Variants in CCSER1 observed in about 807,000 individuals in gnomAD.
CCSER1 encodes the protein serine-rich coiled-coil domain-containing protein 1.
A neutral mutation model predicts 82.0 loss-of-function variants in CCSER1; 41 were observed. The ratio of observed to expected loss-of-function variants is 0.50; its 90% CI spans 0.39 to 0.65. The LOEUF is 0.65. CCSER1 is among the 30% of genes least tolerant of loss of function. CCSER1 has a pLI of 0.00. For missense variants in CCSER1, 1,119 were observed against 1,064.2 expected (o/e 1.05, Z -0.72); for synonymous variants, 414 against 383.9 (o/e 1.08, Z -0.92).
At chr4:90,849,422 T>C (rs1337677486) in intron 8 of CCSER1, among the ~76,000 whole-genome samples, 1 of 152,094 alleles carries the variant, frequency 6.6e-6, no homozygotes, top group Non-Finnish European at 1.5e-5. Context: ...GGCAGAAATT[T>C]CTAAGCAGTA....
chr4:91,524,699 T>G (rs1200118342), intron 10 of CCSER1, among the ~76,000 whole-genome samples: 3 of 152,162 alleles, frequency 2.0e-5, no homozygotes, highest in Non-Finnish European at 4.4e-5. Flanking sequence ...AAACCGTAGT[T>G]ATTTACAACA....
At chr4:90,835,958 G>C (rs79906808) in intron 8 of CCSER1, among the ~76,000 whole-genome samples, 1,887 of 152,254 alleles carry the variant, frequency 0.012, 31 homozygotes, top group African/African-American at 0.043. Flanking sequence ...CAAGCATAGA[G>C]ACTCTGCTTT....
At chr4:91,501,046 T>C (rs1759181248) in intron 10 of CCSER1, among the ~76,000 whole-genome samples, 1 of 151,856 alleles carries the variant, frequency 6.6e-6, no homozygotes, top group African/African-American at 2.4e-5. Context: ...AATTATAGAT[T>C]AGTTGTTCTA....
At chr4:90,328,254 G>A (rs1372797348) in intron 3 of CCSER1, among the ~76,000 whole-genome samples, 1 of 152,088 alleles carries the variant, frequency 6.6e-6, no homozygotes, top group Non-Finnish European at 1.5e-5. Context: ...AGGGAGAATA[G>A]CCAAAACTCT....
chr4:91,469,368 C>T (rs1448697890), intron 10 of CCSER1, among the ~76,000 whole-genome samples: 1 of 152,172 alleles, frequency 6.6e-6, no homozygotes, highest in African/African-American at 2.4e-5. Context: ...AGGTGGACTA[C>T]ATGTATTTCT....
intron 7 of CCSER1, among the ~76,000 whole-genome samples, chr4:90,797,308 C>T (rs1756172264): frequency 6.6e-6 from 1 of 152,072 alleles, no homozygotes; most frequent in African/African-American, 2.4e-5. Context: ...TGCAACCCTA[C>T]TTTTATCTGT....
chr4:91,448,787 G>A (rs1311172339), intron 10 of CCSER1, among the ~76,000 whole-genome samples: 5 of 151,998 alleles, frequency 3.3e-5, no homozygotes, highest in African/African-American at 1.2e-4. Context: ...ATGTATCATT[G>A]TAGGAACTGG....
At chr4:90,998,437 A>C (rs953090064) in intron 9 of CCSER1, among the ~76,000 whole-genome samples, 1 of 152,208 alleles carries the variant, frequency 6.6e-6, no homozygotes, top group Non-Finnish European at 1.5e-5. Context: ...TCAACAAAAA[A>C]AAATTTTACA....
chr4:90,310,570 T>C (rs906791889), intron 2 of CCSER1, among the ~76,000 whole-genome samples: 8 of 152,076 alleles, frequency 5.3e-5, no homozygotes, highest in Non-Finnish European at 1.2e-4. Context: ...AAACTGTGTG[T>C]CCACAATCAC....
intron 9 of CCSER1, among the ~76,000 whole-genome samples, chr4:90,943,727 T>C (rs1386757356): frequency 1.7e-5 from 2 of 118,910 alleles, no homozygotes; most frequent in Admixed American, 1.0e-4. Flanking sequence ...TGTGCCAGGC[T>C]AATTTTTTTT....
At position 90,603,225 on chromosome 4, in the gene CCSER1, C is replaced by T. The variant is rs552490282; in HGVS notation, c.1725-24800C>T. 1.4e-4 allele frequency among the ~76,000 whole-genome samples: 21 copies of T among 152,304 alleles called. 1 individual carries two copies. In the South Asian group the frequency reaches 4.1e-3, roughly 30 times the overall value. Reference sequence around the variant, plus strand: ...GAGTAGGGCTAGCAAATGTTAGGCCCATTATTTGCTATCAGGTTATCTGGA... The same window carrying T: ...GAGTAGGGCTAGCAAATGTTAGGCCTATTATTTGCTATCAGGTTATCTGGA... On this transcript the variant is annotated intron_variant, in intron 5 of 10. Coordinates refer to ENST00000509176, the MANE Select transcript of CCSER1 (RefSeq NM_001145065.2).
chr4:90,211,181 A>G (rs1184270884), intron 1 of CCSER1, among the ~76,000 whole-genome samples: 4 of 152,230 alleles, frequency 2.6e-5, no homozygotes, highest in African/African-American at 7.2e-5. Context: ...CCTTGGAAGA[A>G]TAAAAGCATT....
chr4:91,100,357 A>G (rs1013615920), intron 10 of CCSER1, among the ~76,000 whole-genome samples: 1 of 144,082 alleles, frequency 6.9e-6, no homozygotes, highest in Non-Finnish European at 1.6e-5. Flanking sequence ...CACCCAATAC[A>G]TGGCAACAGT....
At chr4:91,234,149 C>A (rs532986153) in intron 10 of CCSER1, among the ~76,000 whole-genome samples, 1 of 151,850 alleles carries the variant, frequency 6.6e-6, no homozygotes, top group Admixed American at 6.6e-5. Flanking sequence ...GCGTAAAATC[C>A]ATTTGTCAGA....
rs114224244 is a variant in CCSER1 at position 90,856,122 on chromosome 4, C to T, written c.2094+40277C>T. Among the ~76,000 whole-genome samples, 682 of 152,164 alleles carry T rather than the reference C, an allele frequency of 4.5e-3. 3 individuals carry two copies. The highest frequency in any genetic ancestry group is 0.016 in the African/African-American group (646 of 41,538). Reference sequence around the variant, plus strand: ...ATTCAACTCAATTTGGTTATTCCCCCCATCTTCCTTTCTTCCTTCTCCAAT... The same window carrying T: ...ATTCAACTCAATTTGGTTATTCCCCTCATCTTCCTTTCTTCCTTCTCCAAT... On this transcript the variant is annotated intron_variant, in intron 8 of 10. Transcript: ENST00000509176.
rs547505619 is a variant in CCSER1 at position 90,188,175 on chromosome 4, T to A, written c.-42+60344T>A. ...CCATTGCTCATCCCATACCACCAAC[T>A]TCACATTCCTGCTTGGGTTATGAGG... On this transcript the variant is annotated intron_variant, in intron 1 of 10. Coordinates refer to ENST00000509176, the MANE Select transcript of CCSER1 (RefSeq NM_001145065.2). 2.0e-5 allele frequency among the ~76,000 whole-genome samples: 3 copies of A among 152,066 alleles called. No individual in the cohort carries two copies. The East Asian group carries it at 5.8e-4, about 29-fold the overall frequency.
intron 3 of CCSER1, among the ~76,000 whole-genome samples, chr4:90,378,331 T>C (rs1056550267): frequency 1.3e-5 from 2 of 152,156 alleles, no homozygotes; most frequent in South Asian, 4.1e-4. Context: ...TAACAACAAA[T>C]GTGAGCTAGA....
chr4:90,223,278 T>G (rs1204372300), intron 1 of CCSER1, among the ~76,000 whole-genome samples: 1 of 152,228 alleles, frequency 6.6e-6, no homozygotes, highest in Admixed American at 6.5e-5. Context: ...ACTATGGATT[T>G]TTGTCAAAAG....
intron 4 of CCSER1, among the ~76,000 whole-genome samples, chr4:90,407,481 G>T (rs185361965): frequency 0.01 from 1,544 of 152,232 alleles, 16 homozygotes; most frequent in South Asian, 0.03. Context: ...GAGAAAGAGG[G>T]AATCCTCCTT....
Sources: gnomAD v4.1 joint callset for allele counts (sites outside exome capture counted in the v4.1 genomes callset) on GRCh38, gnomAD v4.1.1 for gene constraint, MANE v1.5 for transcripts, NCBI Gene and HGNC (gene_info 2026-07-23, HGNC 2026-07-21) for gene names.